The following TMEM154 variants were observed in gnomAD, a reference collection of about 807,000 sequenced individuals.
TMEM154 encodes transmembrane protein 154.
Under a neutral mutation model 24.5 loss-of-function variants are expected in TMEM154, and 27 were observed. That is an observed-to-expected ratio of 1.10 (90% confidence interval 0.81 to 1.52). TMEM154 has a LOEUF of 1.52. Among genes scored for constraint, TMEM154 ranks in the 40% most tolerant of loss-of-function variants. The pLI, the probability that TMEM154 is intolerant of heterozygous loss-of-function variation, is 0.00. For missense variants in TMEM154, 228 were observed against 213.4 expected (o/e 1.07, Z -0.43); for synonymous variants, 67 against 76.8 (o/e 0.87, Z 0.67).
At chr4:152,651,838 A>G (rs1728388860) in intron 3 of TMEM154, among the ~76,000 whole-genome samples, 5 of 152,238 alleles carry the variant, frequency 3.3e-5, no homozygotes. Flanking sequence ...CACAAGGCTT[A>G]ATCATTTCTA....
chr4:152,652,205 T>A (rs1359249109), intron 3 of TMEM154, among the ~76,000 whole-genome samples: 2 of 151,140 alleles, frequency 1.3e-5, no homozygotes, highest in African/African-American at 4.9e-5. Flanking sequence ...AAAGTAAACA[T>A]GTGCTGTTGA....
At chr4:152,660,140 T>A (rs1015431799) in intron 1 of TMEM154, among the ~76,000 whole-genome samples, 2 of 152,238 alleles carry the variant, frequency 1.3e-5, no homozygotes, top group African/African-American at 4.8e-5. Context: ...CACCCTGGAC[T>A]AGTAAAGGAC....
chr4:152,679,649 A>G (rs1729021119), intron 1 of TMEM154, among the ~76,000 whole-genome samples: 1 of 152,184 alleles, frequency 6.6e-6, no homozygotes, highest in East Asian at 1.9e-4. Context: ...AAGAGGGTTA[A>G]ATGAAGTGAG....
chr4:152,658,767 C>T (rs1187883886), intron 1 of TMEM154, among the ~76,000 whole-genome samples: 1 of 150,540 alleles, frequency 6.6e-6, no homozygotes, highest in African/African-American at 2.5e-5. Context: ...GAACTGAGAT[C>T]ACACCATTGC....
intron 3 of TMEM154, among the ~76,000 whole-genome samples, chr4:152,650,376 A>G (rs1269684569): frequency 6.6e-6 from 1 of 152,168 alleles, no homozygotes; most frequent in East Asian, 1.9e-4. Flanking sequence ...ATCTCAAAAA[A>G]AAAAACAAAA....
At chr4:152,667,603 T>C (rs1298523097) in intron 1 of TMEM154, among the ~76,000 whole-genome samples, 1 of 152,236 alleles carries the variant, frequency 6.6e-6, no homozygotes, top group African/African-American at 2.4e-5. Flanking sequence ...TAATATGTTT[T>C]TTCTGACTAA....
intron 3 of TMEM154, among the ~76,000 whole-genome samples, chr4:152,649,613 G>A (rs908835736): frequency 1.3e-5 from 2 of 152,224 alleles, no homozygotes; most frequent in Admixed American, 1.3e-4. Context: ...AAATATAGAT[G>A]AAAGAATGCT....
intron 4 of TMEM154, 124 bp downstream of exon 4, chr4:152,644,291 C>A: frequency 1.8e-6 from 2 of 1,084,108 alleles, no homozygotes; most frequent in Non-Finnish European, 1.4e-6. Flanking sequence ...GGATCTCCAA[C>A]CCCGCCTGGG....
At chr4:152,647,114 G>C in intron 3 of TMEM154, 2 of 1,341,852 alleles carry the variant, frequency 1.5e-6, no homozygotes, top group Non-Finnish European at 2.0e-6. Context: ...TAAAAGTTTT[G>C]GCCAAGTCCT....
In TMEM154 at chr4:152,621,220, C is replaced by T. The variant is rs1423851900; in HGVS notation, c.*7326G>A. On this transcript the variant is annotated 3_prime_UTR_variant, in exon 7 of 7. Coordinates refer to ENST00000304385, the MANE Select transcript of TMEM154 (RefSeq NM_152680.3). ...ACCCTTGTGCTGGTTCCCTCTCTTT[C>T]CTTCTTGTGAATATCATGCTGGAGT... is the stretch of plus-strand genomic sequence containing the variant. 2 of 152,228 alleles carry T rather than the reference C, an allele frequency of 1.3e-5. No individual in the cohort carries two copies. The highest frequency in any genetic ancestry group is 2.4e-5 in the African/African-American group (1 of 41,450). The allele number at this position is 152,228 out of a possible 1,614,324, so 9.4% of individuals were successfully genotyped here.
chr4:152,641,739 C>T lies in TMEM154; in HGVS notation c.479-754G>A, dbSNP rs533637776. ...TTTTAGCAACTGAAAAACAACAAAA[C>T]GAGACTCCTGAAGGACTATCTCAAT... On this transcript the variant is annotated intron_variant, in intron 5 of 6. Transcript: ENST00000304385. Among the ~76,000 whole-genome samples the T allele has an allele frequency of 6.0e-5, 8 of 134,312 alleles. No homozygotes were observed. In the East Asian group the frequency reaches 1.1e-3, roughly 18 times the overall value. The allele number at this position is 134,312 out of a possible 152,430, so 88.1% of individuals were successfully genotyped here. A position where few individuals can be genotyped will look rare whatever the true frequency, so the allele number is the denominator to read the frequency against.
In TMEM154 at chr4:152,625,475, G is replaced by A. The variant is rs1751901528; in HGVS notation, c.*3071C>T. ...AGGCTGGTGGATCACTTGAGGTCAG[G>A]AGTTTGAGACCAGCCTGACCAACAT... On this transcript the variant is annotated 3_prime_UTR_variant, in exon 7 of 7. Transcript: ENST00000304385. The A allele has an allele frequency of 6.6e-6, 1 of 152,258 alleles. No homozygotes were observed. The allele number at this position is 152,258 out of a possible 1,614,324, so 9.4% of individuals were successfully genotyped here.
At chr4:152,657,497 G>C (rs1471780840) in intron 1 of TMEM154, among the ~76,000 whole-genome samples, 1 of 152,100 alleles carries the variant, frequency 6.6e-6, no homozygotes, top group East Asian at 1.9e-4. Flanking sequence ...CTCAGCAACA[G>C]AGCCAGATCC....
intron 6 of TMEM154, among the ~76,000 whole-genome samples, chr4:152,632,952 C>T (rs1752076611): frequency 1.3e-5 from 2 of 152,180 alleles, no homozygotes. Context: ...ATACCATACT[C>T]CAGGCCTGAC....
intron 1 of TMEM154, among the ~76,000 whole-genome samples, chr4:152,655,637 T>G (rs1579525627): frequency 7.6e-6 from 1 of 131,382 alleles, no homozygotes; most frequent in South Asian, 2.9e-4. Context: ...CCCCCACCCC[T>G]GGCCAGCAGC....
At chr4:152,658,655 A>G (rs1047032063) in intron 1 of TMEM154, among the ~76,000 whole-genome samples, 1 of 152,202 alleles carries the variant, frequency 6.6e-6, no homozygotes, top group East Asian at 1.9e-4. Flanking sequence ...TTTACTAAAA[A>G]TACAAAAACT....
chr4:152,642,065 G>A (rs995689037), intron 5 of TMEM154, among the ~76,000 whole-genome samples: 2 of 151,786 alleles, frequency 1.3e-5, no homozygotes, highest in Non-Finnish European at 2.9e-5. Flanking sequence ...TGGGAGTACA[G>A]ACATGTGCCA....
At position 152,628,354 on chromosome 4, in the gene TMEM154, A is replaced by C. The variant is rs969608371; in HGVS notation, c.*192T>G. On this transcript the variant is annotated 3_prime_UTR_variant, in exon 7 of 7. Coordinates refer to ENST00000304385, the MANE Select transcript of TMEM154 (RefSeq NM_152680.3). ...GCCAGGCCTTTTCCTAGTACTTCTCAATTGCACATTCTTCCAAGTGCAAGT... is the reference window on the plus strand; with the variant it reads ...GCCAGGCCTTTTCCTAGTACTTCTCCATTGCACATTCTTCCAAGTGCAAGT... 1.1e-5 allele frequency: 11 copies of C among 970,290 alleles called. No homozygotes were observed. The East Asian group carries it at 2.4e-4, about 21-fold the overall frequency. The allele number at this position is 970,290 out of a possible 1,614,324, so 60.1% of individuals were successfully genotyped here. A position where few individuals can be genotyped will look rare whatever the true frequency, so the allele number is the denominator to read the frequency against.
intron 1 of TMEM154, among the ~76,000 whole-genome samples, chr4:152,655,916 G>A (rs1466357452): frequency 1.3e-5 from 2 of 152,242 alleles, no homozygotes; most frequent in African/African-American, 4.8e-5. Flanking sequence ...CCCCACCAGA[G>A]AGTCAAAGAA....
Sources: allele counts gnomAD v4.1 joint callset (sites outside exome capture counted in the v4.1 genomes callset), GRCh38; gene constraint gnomAD v4.1.1; transcripts MANE v1.5; gene names NCBI Gene and HGNC (gene_info 2026-07-23, HGNC 2026-07-21).